NR2C1: variants seen among roughly 807,000 people sequenced by gnomAD.
NR2C1 encodes TR2 nuclear hormone receptor.
Under a neutral mutation model 74.8 loss-of-function variants are expected in NR2C1, and 33 were observed. That is an observed-to-expected ratio of 0.44 (90% CI 0.33 to 0.59). The LOEUF (loss-of-function observed/expected upper bound fraction) is 0.59. Among genes scored for constraint, NR2C1 ranks in the 20% least tolerant of loss-of-function variants. NR2C1 has a pLI of 0.02. For missense variants in NR2C1, 568 were observed against 715.6 expected, an observed-to-expected ratio of 0.79 and a Z score of 2.35; for synonymous variants, 225 against 240.6, an observed-to-expected ratio of 0.94 and a Z score of 0.60.
chr12:95,049,566 C>T (rs1872714315), intron 8 of NR2C1: 1 of 170,490 alleles, frequency 5.9e-6, no homozygotes, highest in African/African-American at 2.4e-5. Flanking sequence ...CCACTGTACT[C>T]CAGCCTGGGT....
rs898961063 is a variant in NR2C1, at chr12:95,025,265, T to A, written c.1532-10A>T. The A allele has an allele frequency of 2.7e-5, 38 of 1,416,302 alleles. No homozygotes were observed. Among genetic ancestry groups the A allele is most frequent in the Non-Finnish European group, 3.8e-5 (38 of 1,010,482 alleles). 87.7% of individuals were successfully genotyped at this position (1,416,302 alleles called of 1,614,324 possible). On this transcript the variant is annotated splice_polypyrimidine_tract_variant and intron_variant, in intron 12 of 13. Transcript: ENST00000333003. ...TCTAGGCTTGGATGATCTGAAACAT[T>A]AAAGAAAACATTGGTACCCTAGTTC...
At chr12:95,060,853 TTACTATGTAATATATAGCA>T (rs1309573857) in intron 3 of NR2C1, among the ~76,000 whole-genome samples, 1 of 152,214 alleles carries the variant, frequency 6.6e-6, no homozygotes, top group Non-Finnish European at 1.5e-5. Flanking sequence ...TGACTGCCCC[TTACTATGTAATATATAGCA>T]TCATTTCTTC....
intron 7 of NR2C1, among the ~76,000 whole-genome samples, chr12:95,055,239 C>T (rs758316658): frequency 1.3e-5 from 2 of 152,198 alleles, no homozygotes; most frequent in Non-Finnish European, 2.9e-5. Flanking sequence ...GTTGTCATAA[C>T]AATTTAATAC....
chr12:95,040,634 A>G, intron 9 of NR2C1, 37 bp from the exon 10 acceptor site: 1 of 1,553,834 alleles, frequency 6.4e-7, no homozygotes. Flanking sequence ...TTATCTTATG[A>G]CTGAAAAGTT....
intron 7 of NR2C1, among the ~76,000 whole-genome samples, chr12:95,055,869 C>T (rs370439270): frequency 3.0e-4 from 43 of 143,600 alleles, no homozygotes; most frequent in African/African-American, 9.3e-4. Context: ...AGGAGAATGG[C>T]GTGAACCCAG....
Position 95,022,368 on chromosome 12 carries a change from C to G in NR2C1, c.1673G>C (p.Arg558Thr), listed in dbSNP as rs1270608944. ...SRLLLRLPAL[R>T]LMNATITEEL... ...TTCAGTGATGGTAGCATTCATCAGT[C>G]TTAAAGCTGGCAATCTGAGTAGTAG... is the stretch of plus-strand genomic sequence containing the variant. Residue 558 changes from arginine (R) to threonine (T), a missense_variant, in exon 14 of 14, where the codon AGA becomes ACA. Physicochemically the swap from Arg to Thr is moderately conservative, Grantham distance 71. Around this residue, in one of 6 missense-constraint regions of NR2C1, gnomAD observed 117 missense variants for 186.7 expected, o/e 0.63. Transcript: ENST00000333003. 6.2e-7 allele frequency: 1 copy of G among 1,612,714 alleles called. No homozygotes were observed. The highest frequency in any genetic ancestry group is 8.5e-7 in the Non-Finnish European group (1 of 1,179,756).
chr12:95,063,244 A>G (rs569112043), intron 2 of NR2C1, among the ~76,000 whole-genome samples: 2 of 152,336 alleles, frequency 1.3e-5, no homozygotes, highest in Admixed American at 6.5e-5. Flanking sequence ...GCCTGAGTGA[A>G]GAAACAGACC....
chr12:95,053,225 C>T (rs1288595963), intron 7 of NR2C1, among the ~76,000 whole-genome samples: 4 of 152,098 alleles, frequency 2.6e-5, no homozygotes, highest in Admixed American at 6.6e-5. Flanking sequence ...CTACCTGCCA[C>T]AGTTTCCCAA....
chr12:95,065,130 A>G (rs1244891747), intron 2 of NR2C1, among the ~76,000 whole-genome samples: 1 of 152,208 alleles, frequency 6.6e-6, no homozygotes, highest in Non-Finnish European at 1.5e-5. Context: ...AAATTATGTA[A>G]ACAGTTCTTA....
rs201172977 is a variant in NR2C1, at chr12:95,033,549, ATTG to A, written c.1254-2064_1254-2062del. Among the ~76,000 whole-genome samples, 270 of 152,330 alleles carry A rather than the reference ATTG, an allele frequency of 1.8e-3. 2 individuals carry two copies. In the East Asian group the frequency reaches 0.032, roughly 18 times the overall value. ...ATAAAACAATAGATATTCAATAAAA[ATTG>A]TTAAGTGAATTACTAAATGCTATCC... On this transcript the variant is annotated intron_variant, in intron 10 of 13. Coordinates refer to ENST00000333003, the MANE Select transcript of NR2C1 (RefSeq NM_003297.4).
chr12:95,051,863 A>C lies in NR2C1; in HGVS notation c.864T>G (p.Leu288=). The change falls in exon 8 of 14, where the codon CTT becomes CTG. Residue 288 remains leucine, a synonymous_variant. Coordinates refer to ENST00000333003, the MANE Select transcript of NR2C1 (RefSeq NM_003297.4). The part of the protein sequence containing the change: ...SLANLGKTKD[L]SQNSNEMSMI... ...TAGACATTTCATTACTATTTTGAGA[A>C]AGATCTTTAGTTTTTCCAAGATTCG... 1 of 1,612,064 alleles carries C rather than the reference A, an allele frequency of 6.2e-7. No homozygotes were observed. Among genetic ancestry groups the C allele is most frequent in the Non-Finnish European group, 8.5e-7 (1 of 1,179,438 alleles).
intron 7 of NR2C1, among the ~76,000 whole-genome samples, chr12:95,052,158 G>A (rs944653064): frequency 7.1e-6 from 1 of 141,094 alleles, no homozygotes; most frequent in African/African-American, 2.6e-5. Context: ...ATGTTACTTT[G>A]TTTTTTTTTT....
At position 95,062,635 on chromosome 12, in the gene NR2C1, G is replaced by A. The variant is rs2136190753; in HGVS notation, c.158C>T (p.Thr53Ile). Residue 53 changes from threonine (T) to isoleucine (I), a missense_variant, in exon 3 of 14, where the codon ACT becomes ATT. Physicochemically the swap from Thr to Ile is moderately conservative, Grantham distance 89. This residue lies in a region of NR2C1 where 128 missense variants were observed against 118.9 expected (regional missense o/e 1.08). Transcript: ENST00000333003. The stretch of plus-strand genomic sequence containing the variant: ...CCTGGCCAGAATGACTTTGCTTGGA[G>A]TAGAGCCGTCGTGATTTGTCAGAAT... ...QFILTNHDGSTPSKVILARQD... is the reference protein window; with the variant it reads ...QFILTNHDGSIPSKVILARQD... 5.6e-6 allele frequency: 9 copies of A among 1,614,114 alleles called. No homozygotes were observed. The highest frequency in any genetic ancestry group is 1.1e-5 in the South Asian group (1 of 91,080).
At chr12:95,026,734 AT>A (rs1184227058) in intron 12 of NR2C1, 1 of 152,176 alleles carries the variant, frequency 6.6e-6, no homozygotes, top group Non-Finnish European at 1.5e-5. Flanking sequence ...TCCTCAGATA[AT>A]TTTATTATGA....
intron 10 of NR2C1, among the ~76,000 whole-genome samples, chr12:95,039,266 A>G (rs1207129179): frequency 6.6e-6 from 1 of 152,222 alleles, no homozygotes; most frequent in East Asian, 1.9e-4. Flanking sequence ...CCTTTATTCA[A>G]TTCTCTGTAT....
intron 3 of NR2C1, among the ~76,000 whole-genome samples, chr12:95,061,499 CA>C (rs1315873020): frequency 1.2e-4 from 18 of 152,140 alleles, no homozygotes; most frequent in Admixed American, 2.0e-4. Context: ...TAATGTTATA[CA>C]TTTTTTTGTG....
chr12:95,053,639 A>G (rs950564650), intron 7 of NR2C1, among the ~76,000 whole-genome samples: 1 of 144,908 alleles, frequency 6.9e-6, no homozygotes, highest in African/African-American at 2.6e-5. Context: ...CCTTAATGGT[A>G]TCTTCTTATT....
chr12:95,056,559 A>G (rs1270656821), intron 7 of NR2C1, among the ~76,000 whole-genome samples: 1 of 152,220 alleles, frequency 6.6e-6, no homozygotes, highest in Non-Finnish European at 1.5e-5. Context: ...GATGGAGGTG[A>G]GCTAAGAATT....
chr12:95,067,094 T>C, intron 2 of NR2C1: 1 of 551,052 alleles, frequency 1.8e-6, no homozygotes, highest in South Asian at 2.4e-5. Context: ...CTTCCTTCCC[T>C]TCATTCCTTT....
Sources: allele counts gnomAD v4.1 joint callset (sites outside exome capture counted in the v4.1 genomes callset), GRCh38; gene constraint gnomAD v4.1.1; regional missense constraint gnomAD v4.1.1; transcripts MANE v1.5; gene names NCBI Gene and HGNC (gene_info 2026-07-23, HGNC 2026-07-21).